Variants in HCN1 observed in about 807,000 individuals in gnomAD.
The protein encoded by HCN1 is hyperpolarization activated cyclic nucleotide gated potassium channel 1.
In HCN1, 13 loss-of-function variants were observed where a neutral mutation model predicts 78.9. That is an observed-to-expected ratio of 0.16 (90% confidence interval 0.11 to 0.26). The LOEUF (loss-of-function observed/expected upper bound fraction) is 0.26. Ranked by LOEUF, HCN1 falls within the 10% of genes least tolerant of loss-of-function variation. HCN1 has a pLI of 1.00. For synonymous variants in HCN1, 552 were observed against 455.5 expected (o/e 1.21, Z -2.70); for missense variants, 810 against 1,154.3 (o/e 0.70, Z 4.32).
chr5:45,688,540 G>C (rs1477652098), intron 1 of HCN1, among the ~76,000 whole-genome samples: 4 of 152,062 alleles, frequency 2.6e-5, no homozygotes, highest in African/African-American at 9.7e-5. Flanking sequence ...TTAACTCTAA[G>C]ATTAAATGTT....
intron 2 of HCN1, among the ~76,000 whole-genome samples, chr5:45,482,309 C>A (rs944884024): frequency 6.6e-6 from 1 of 152,196 alleles, no homozygotes; most frequent in Non-Finnish European, 1.5e-5. Context: ...CCTCAACTCA[C>A]AATATCCACC....
intron 3 of HCN1, among the ~76,000 whole-genome samples, chr5:45,427,774 CA>C (rs1740381606): frequency 6.6e-6 from 1 of 151,998 alleles, no homozygotes; most frequent in African/African-American, 2.4e-5. Flanking sequence ...TACATTAAAA[CA>C]AAGTATAAAA....
intron 2 of HCN1, among the ~76,000 whole-genome samples, chr5:45,571,752 T>C (rs754555694): frequency 2.2e-4 from 34 of 152,096 alleles, no homozygotes; most frequent in Admixed American, 8.5e-4. Flanking sequence ...CCGTCTCTAC[T>C]AAATACAAAA....
chr5:45,371,734 G>C (rs1206787298), intron 4 of HCN1, among the ~76,000 whole-genome samples: 1 of 146,444 alleles, frequency 6.8e-6, no homozygotes, highest in Non-Finnish European at 1.5e-5. Context: ...TCCAGCCTGG[G>C]TGACAGTGAG....
intron 5 of HCN1, among the ~76,000 whole-genome samples, chr5:45,321,456 C>G (rs1034112413): frequency 6.7e-6 from 1 of 150,302 alleles, no homozygotes; most frequent in South Asian, 2.1e-4. Flanking sequence ...TTTCACCCCA[C>G]AGTGGGGCCT....
chr5:45,584,941 T>G (rs1010943835), intron 2 of HCN1, among the ~76,000 whole-genome samples: 1 of 152,202 alleles, frequency 6.6e-6, no homozygotes, highest in Non-Finnish European at 1.5e-5. Flanking sequence ...AACCCGACAT[T>G]TCTCTCTGGC....
intron 1 of HCN1, among the ~76,000 whole-genome samples, chr5:45,670,938 AGTT>A (rs1274816065): frequency 5.9e-5 from 9 of 151,760 alleles, no homozygotes; most frequent in Non-Finnish European, 1.0e-4. Context: ...ACTTTATTAT[AGTT>A]ACTGATACAT....
intron 2 of HCN1, among the ~76,000 whole-genome samples, chr5:45,601,976 A>G (rs1324518949): frequency 2.0e-5 from 3 of 152,050 alleles, no homozygotes; most frequent in Non-Finnish European, 2.9e-5. Context: ...GGTTTCCCCC[A>G]AGCCTGTTCT....
At chr5:45,583,282 A>T (rs1257185117) in intron 2 of HCN1, among the ~76,000 whole-genome samples, 1 of 152,070 alleles carries the variant, frequency 6.6e-6, no homozygotes, top group Non-Finnish European at 1.5e-5. Flanking sequence ...GAATTTATCC[A>T]TTTCTTCTAG....
At chr5:45,557,018 C>T (rs537198168) in intron 2 of HCN1, among the ~76,000 whole-genome samples, 1 of 152,106 alleles carries the variant, frequency 6.6e-6, no homozygotes, top group East Asian at 1.9e-4. Flanking sequence ...TCTCTTGTCA[C>T]TTCAATATCC....
chr5:45,548,613 C>G (rs185589619), intron 2 of HCN1, among the ~76,000 whole-genome samples: 18 of 152,190 alleles, frequency 1.2e-4, no homozygotes, highest in African/African-American at 3.9e-4. Flanking sequence ...TCTCACCACT[C>G]CTATTCAACA....
intron 2 of HCN1, among the ~76,000 whole-genome samples, chr5:45,566,703 A>T (rs1743713145): frequency 1.1e-4 from 16 of 152,212 alleles, no homozygotes; most frequent in Admixed American, 1.0e-3. Flanking sequence ...TCCCTTGACT[A>T]CAGGTCCTCA....
chr5:45,629,152 A>G (rs1745225920), intron 2 of HCN1, among the ~76,000 whole-genome samples: 1 of 152,096 alleles, frequency 6.6e-6, no homozygotes, highest in Non-Finnish European at 1.5e-5. Context: ...AATCCTAACT[A>G]TGTATGAAAT....
intron 2 of HCN1, among the ~76,000 whole-genome samples, chr5:45,499,263 A>G (rs1742134832): frequency 6.6e-6 from 1 of 152,108 alleles, no homozygotes; most frequent in Non-Finnish European, 1.5e-5. Flanking sequence ...AGGCCCCTCC[A>G]AGCCACGTGC....
At chr5:45,695,567 G>C in intron 1 of HCN1, 102 bp downstream of exon 1, 142 of 858,726 alleles carry the variant, frequency 1.7e-4, no homozygotes, top group Non-Finnish European at 1.7e-4. Flanking sequence ...GCCACCCCCC[G>C]CCCGCCCTCC....
chr5:45,488,846 T>C (rs1741823424), intron 2 of HCN1, among the ~76,000 whole-genome samples: 1 of 152,180 alleles, frequency 6.6e-6, no homozygotes, highest in African/African-American at 2.4e-5. Context: ...ACTAGGTGTT[T>C]TGACCACAAT....
At chr5:45,586,090 T>A (rs896211844) in intron 2 of HCN1, among the ~76,000 whole-genome samples, 35 of 152,154 alleles carry the variant, frequency 2.3e-4, no homozygotes, top group Non-Finnish European at 4.4e-4. Context: ...AGGTTTCTGC[T>A]GCCTTTTTTT....
At chr5:45,359,435 C>A (rs781147267) in intron 4 of HCN1, among the ~76,000 whole-genome samples, 242 of 147,840 alleles carry the variant, frequency 1.6e-3, no homozygotes, top group Non-Finnish European at 2.8e-3. Context: ...ATATATATAT[C>A]ACCTGATTTA....
chr5:45,458,578 T>C (rs542820847), intron 3 of HCN1, among the ~76,000 whole-genome samples: 2 of 152,086 alleles, frequency 1.3e-5, no homozygotes, highest in Non-Finnish European at 2.9e-5. Flanking sequence ...GCAGTTGGAG[T>C]GCTTTAACTA....
Sources: allele counts gnomAD v4.1 joint callset (sites outside exome capture counted in the v4.1 genomes callset), GRCh38; gene constraint gnomAD v4.1.1; transcripts MANE v1.5; gene names NCBI Gene and HGNC (gene_info 2026-07-23, HGNC 2026-07-21).